FNIP2: variants seen among roughly 807,000 people sequenced by gnomAD.
FNIP2 encodes the protein folliculin-interacting protein 2.
In FNIP2, 32 loss-of-function variants were observed where a neutral mutation model predicts 108.7. The observed-to-expected ratio is 0.29, with a 90% CI of 0.22 to 0.40. FNIP2 has a LOEUF of 0.40. Ranked by LOEUF, FNIP2 falls within the 10% of genes least tolerant of loss-of-function variation. FNIP2 has a pLI of 1.00. For synonymous variants in FNIP2, 480 were observed against 496.7 expected (o/e 0.97, Z 0.45); for missense variants, 1,202 against 1,381.6 (o/e 0.87, Z 2.06).
chr4:158,815,250 G>A (rs79820463), intron 1 of FNIP2, among the ~76,000 whole-genome samples: 350 of 152,230 alleles, frequency 2.3e-3, no homozygotes, highest in African/African-American at 7.6e-3. Context: ...GGATGTCTGG[G>A]TCCAGTCTAC....
intron 1 of FNIP2, among the ~76,000 whole-genome samples, chr4:158,801,119 A>G (rs1309608388): frequency 6.6e-6 from 1 of 152,168 alleles, no homozygotes; most frequent in East Asian, 1.9e-4. Flanking sequence ...GGATTAAAAA[A>G]AAAATCACTC....
chr4:158,820,894 A>G (rs1012503726), intron 1 of FNIP2, among the ~76,000 whole-genome samples: 1 of 152,230 alleles, frequency 6.6e-6, no homozygotes, highest in African/African-American at 2.4e-5. Context: ...CCCTGTTTCC[A>G]AGCAAAGTCA....
chr4:158,798,697 A>G (rs1193456642), intron 1 of FNIP2, among the ~76,000 whole-genome samples: 1 of 152,228 alleles, frequency 6.6e-6, no homozygotes. Context: ...GAGTTCATAA[A>G]TTATTCTACA....
chr4:158,899,924 TTTAATTGTGATG>T (rs1478568451), intron 16 of FNIP2, among the ~76,000 whole-genome samples: 1 of 152,246 alleles, frequency 6.6e-6, no homozygotes. Flanking sequence ...CTCTAGTTCT[TTTAATTGTGATG>T]TTAGGGTGTC....
At chr4:158,822,968 AT>A (rs1346457185) in intron 1 of FNIP2, among the ~76,000 whole-genome samples, 1 of 152,100 alleles carries the variant, frequency 6.6e-6, no homozygotes, top group Non-Finnish European at 1.5e-5. Flanking sequence ...TCCTTTTTTC[AT>A]TGAAAAATAA....
chr4:158,850,850 A>G (rs1302721131), intron 7 of FNIP2, among the ~76,000 whole-genome samples: 2 of 151,904 alleles, frequency 1.3e-5, no homozygotes, highest in Admixed American at 6.6e-5. Flanking sequence ...GAAATCTGCA[A>G]TCTACAGTCT....
chr4:158,836,346 T>A (rs993599883), intron 7 of FNIP2: 1 of 152,224 alleles, frequency 6.6e-6, no homozygotes, highest in Admixed American at 6.5e-5. Context: ...AACTCTGCTC[T>A]TGTGTTAATA....
intron 14 of FNIP2, among the ~76,000 whole-genome samples, chr4:158,877,743 G>A (rs1433460291): frequency 6.6e-6 from 1 of 152,220 alleles, no homozygotes; most frequent in African/African-American, 2.4e-5. Context: ...TATCTTTTAT[G>A]TGCTTGGTAC....
At chr4:158,816,460 C>T (rs987898133) in intron 1 of FNIP2, among the ~76,000 whole-genome samples, 27 of 152,050 alleles carry the variant, frequency 1.8e-4, no homozygotes, top group Non-Finnish European at 3.2e-4. Context: ...AATGTGTTGA[C>T]GGCTTTGATT....
rs1217165326 is a variant in FNIP2 at position 158,861,753 on chromosome 4, A to G, written c.1442A>G (p.Tyr481Cys). ...AACATGCTGGCCAAAACACATCCGT[A>G]TAATCCTCTTTGGGCACAGCTGGGT... Reference protein sequence around the residue: ...SVNMLAKTHPYNPLWAQLGDL... With the variant: ...SVNMLAKTHPCNPLWAQLGDL... The change falls in exon 12 of 17, where the codon TAT becomes TGT. Residue 481 changes from tyrosine to cysteine, a missense_variant. Around this residue, in one of 5 missense-constraint regions of FNIP2, gnomAD observed 878 missense variants for 990.3 expected, o/e 0.89. Coordinates refer to ENST00000264433, the MANE Select transcript of FNIP2 (RefSeq NM_020840.3). 2 of 1,613,908 alleles carry G rather than the reference A, an allele frequency of 1.2e-6. No individual in the cohort carries two copies. The highest frequency in any genetic ancestry group is 8.5e-7 in the Non-Finnish European group (1 of 1,179,902).
chr4:158,842,163 A>G (rs774518841), intron 7 of FNIP2, among the ~76,000 whole-genome samples: 1 of 152,172 alleles, frequency 6.6e-6, no homozygotes, highest in Non-Finnish European at 1.5e-5. Context: ...ATTTCCACAA[A>G]TTTACTTGGT....
intron 15 of FNIP2, 134 bp downstream of exon 15, chr4:158,891,780 T>C: frequency 1.2e-6 from 1 of 849,368 alleles, no homozygotes; most frequent in Non-Finnish European, 1.8e-6. Context: ...AACTAGAACA[T>C]GCAGCATAAA....
intron 1 of FNIP2, among the ~76,000 whole-genome samples, chr4:158,788,126 G>A (rs1168658821): frequency 1.3e-5 from 2 of 152,172 alleles, no homozygotes; most frequent in Non-Finnish European, 2.9e-5. Context: ...TGGTATGTTG[G>A]GAATAATAGT....
chr4:158,841,832 A>T (rs1302781389), intron 7 of FNIP2, among the ~76,000 whole-genome samples: 1 of 152,258 alleles, frequency 6.6e-6, no homozygotes, highest in African/African-American at 2.4e-5. Context: ...GCAACGGGAT[A>T]TCCCACAACT....
At chr4:158,881,017 G>T (rs868675578) in intron 14 of FNIP2, among the ~76,000 whole-genome samples, 1 of 152,288 alleles carries the variant, frequency 6.6e-6, no homozygotes, top group Middle Eastern at 3.4e-3. Context: ...CTAATATTAA[G>T]TCATGGTGCT....
In FNIP2 at chr4:158,830,388, G is replaced by A. The variant is rs371238786; in HGVS notation, c.381+1163G>A. 7.2e-3 allele frequency among the ~76,000 whole-genome samples: 1,074 copies of A among 149,200 alleles called. 10 individuals are homozygous for A. The highest frequency in any genetic ancestry group is 0.024 in the African/African-American group (987 of 40,486). Reference sequence around the variant, plus strand: ...CGCCATTCTCCTGCCTCAGCCTCCCGAGCAGCTGGGACTACAGGCGCCCGC... The same window carrying A: ...CGCCATTCTCCTGCCTCAGCCTCCCAAGCAGCTGGGACTACAGGCGCCCGC... On this transcript the variant is annotated intron_variant, in intron 3 of 16. Coordinates refer to ENST00000264433, the MANE Select transcript of FNIP2 (RefSeq NM_020840.3).
At chr4:158,898,447 A>G (rs532325804) in intron 16 of FNIP2, among the ~76,000 whole-genome samples, 2 of 152,270 alleles carry the variant, frequency 1.3e-5, no homozygotes, top group East Asian at 3.9e-4. Flanking sequence ...CATTTTCACA[A>G]TATTGATTCT....
chr4:158,851,157 C>G (rs917519915), intron 7 of FNIP2, among the ~76,000 whole-genome samples, 164 bp from the exon 8 acceptor site: 1 of 151,932 alleles, frequency 6.6e-6, no homozygotes, highest in African/African-American at 2.4e-5. Flanking sequence ...AAGGTAATTG[C>G]GGGTTTTGTC....
chr4:158,867,290 T>G (rs940635469), intron 12 of FNIP2, among the ~76,000 whole-genome samples: 1 of 152,200 alleles, frequency 6.6e-6, no homozygotes, highest in Non-Finnish European at 1.5e-5. Context: ...GCTTCCAGGT[T>G]CAAGCAATTC....
Sources: allele counts gnomAD v4.1 joint callset (sites outside exome capture counted in the v4.1 genomes callset), GRCh38; gene constraint gnomAD v4.1.1; regional missense constraint gnomAD v4.1.1; transcripts MANE v1.5; gene names NCBI Gene and HGNC (gene_info 2026-07-23, HGNC 2026-07-21).